The following SLC6A6 variants were observed in gnomAD, a reference collection of about 807,000 sequenced individuals.
SLC6A6 encodes the protein solute carrier family 6 member 6.
Under a neutral mutation model 68.8 loss-of-function variants are expected in SLC6A6, and 16 were observed. That is an observed-to-expected ratio of 0.23 (90% CI 0.16 to 0.35). The LOEUF is 0.35. Ranked by LOEUF, SLC6A6 falls within the 10% of genes least tolerant of loss-of-function variation. SLC6A6 has a pLI of 1.00. For missense variants in SLC6A6, 474 were observed against 802.8 expected, an observed-to-expected ratio of 0.59 and a Z score of 4.95; for synonymous variants, 312 against 315.4, an observed-to-expected ratio of 0.99 and a Z score of 0.12.
chr3:14,482,222 T>C (rs1701025134), intron 14 of SLC6A6, among the ~76,000 whole-genome samples: 1 of 152,172 alleles, frequency 6.6e-6, no homozygotes, highest in African/African-American at 2.4e-5. Context: ...AGTGGGGCCA[T>C]GTTCCTGAAG....
At chr3:14,428,391 TGAG>T (rs144990075) in intron 2 of SLC6A6, among the ~76,000 whole-genome samples, 63 of 152,318 alleles carry the variant, frequency 4.1e-4, no homozygotes, top group African/African-American at 1.4e-3. Context: ...GCCCATGAGT[TGAG>T]GAAGAATGCC....
At chr3:14,451,209 T>C (rs930164731) in intron 5 of SLC6A6, among the ~76,000 whole-genome samples, 8 of 152,374 alleles carry the variant, frequency 5.3e-5, no homozygotes, top group Middle Eastern at 3.4e-3. Context: ...ATTGAGACTA[T>C]TTCAACACAG....
rs1248711768 is a variant in SLC6A6 at position 14,402,755 on chromosome 3, C to T, written c.-146C>T. The T allele has an allele frequency of 2.5e-6, 1 of 398,106 alleles. No individual in the cohort carries two copies. Among genetic ancestry groups the T allele is most frequent in the African/African-American group, 2.1e-5 (1 of 48,728 alleles). The allele number at this position is 398,106 out of a possible 1,614,324, so 24.7% of individuals were successfully genotyped here. On this transcript the variant is annotated 5_prime_UTR_variant, in exon 1 of 15. Coordinates refer to ENST00000622186, the MANE Select transcript of SLC6A6 (RefSeq NM_003043.6). The surrounding 1 kb of genome is among the most constrained non-coding windows in gnomAD (Gnocchi z 4.8). ...CCAAGAGGGAGTGCGGAGCGTTCAC[C>T]CAGCGGGTCAGAGAGCGAGCGGGCA...
chr3:14,409,556 A>G (rs145489132), intron 1 of SLC6A6, among the ~76,000 whole-genome samples: 3 of 152,356 alleles, frequency 2.0e-5, no homozygotes, highest in South Asian at 2.1e-4. Context: ...CACTGACCGC[A>G]CGGCAAACGT....
intron 5 of SLC6A6, among the ~76,000 whole-genome samples, chr3:14,456,896 G>A (rs1700379841): frequency 1.3e-5 from 2 of 152,218 alleles, no homozygotes; most frequent in African/African-American, 4.8e-5. Flanking sequence ...GCAGCCTGTG[G>A]TGGACAGGTA....
chr3:14,475,071 G>A (rs565160710), intron 10 of SLC6A6, among the ~76,000 whole-genome samples: 9 of 152,322 alleles, frequency 5.9e-5, no homozygotes, highest in East Asian at 1.9e-4. Context: ...TTGCTCTGTC[G>A]CCCAGGTTAG....
rs558108734 is a variant in SLC6A6 at position 14,471,819 on chromosome 3, G to A, written c.1097-386G>A. On this transcript the variant is annotated intron_variant, in intron 9 of 14. Coordinates refer to ENST00000622186, the MANE Select transcript of SLC6A6 (RefSeq NM_003043.6). Reference sequence around the variant, plus strand: ...GACTGGGCGGTCAGGTCACCACCACGCTCCCCCGCCTCCTTCCAGCAAAGG... The same window carrying A: ...GACTGGGCGGTCAGGTCACCACCACACTCCCCCGCCTCCTTCCAGCAAAGG... Among the ~76,000 whole-genome samples, 4 of 152,326 alleles carry A rather than the reference G, an allele frequency of 2.6e-5. No individual in the cohort carries two copies. In the South Asian group the frequency reaches 8.3e-4, roughly 32 times the overall value.
Position 14,488,241 on chromosome 3 carries a change from A to C in SLC6A6, c.*3234A>C, listed in dbSNP as rs1377579835. 2.0e-5 allele frequency: 3 copies of C among 152,378 alleles called. No homozygotes were observed. Among genetic ancestry groups the C allele is most frequent in the Non-Finnish European group, 4.4e-5 (3 of 68,078 alleles). 9.4% of individuals were successfully genotyped at this position (152,378 alleles called of 1,614,324 possible). A position where few individuals can be genotyped will look rare whatever the true frequency, so the allele number is the denominator to read the frequency against. On this transcript the variant is annotated 3_prime_UTR_variant, in exon 15 of 15. Coordinates refer to ENST00000622186, the MANE Select transcript of SLC6A6 (RefSeq NM_003043.6). ...TCCAGGCAGCAGGAAGTGGCCTTGG[A>C]TGCTCTCCTTCCAGGACAGCATAAC...
intron 2 of SLC6A6, 115 bp from the exon 3 acceptor site, chr3:14,443,509 G>T: frequency 1.4e-6 from 1 of 704,546 alleles, no homozygotes. Context: ...CAGGCCCCTT[G>T]CCACAGGCCC....
chr3:14,418,891 C>T (rs1699424056), intron 2 of SLC6A6, among the ~76,000 whole-genome samples: 1 of 152,212 alleles, frequency 6.6e-6, no homozygotes, highest in African/African-American at 2.4e-5. Flanking sequence ...ATTGAGCTGA[C>T]TCTAGCCCAC....
At chr3:14,479,231 G>A in intron 13 of SLC6A6, 46 bp downstream of exon 13, 3 of 1,171,814 alleles carry the variant, frequency 2.6e-6, no homozygotes, top group Non-Finnish European at 3.9e-6. Context: ...CTTCTCCCTG[G>A]GGCTTGACAT....
intron 2 of SLC6A6, among the ~76,000 whole-genome samples, chr3:14,424,768 G>A (rs1030904343): frequency 1.3e-5 from 2 of 152,164 alleles, no homozygotes; most frequent in Non-Finnish European, 2.9e-5. Flanking sequence ...TCACAGGCAC[G>A]GCCACAAGTC....
chr3:14,476,620 T>C (rs192401214), intron 10 of SLC6A6, among the ~76,000 whole-genome samples: 1 of 152,318 alleles, frequency 6.6e-6, no homozygotes, highest in East Asian at 1.9e-4. Flanking sequence ...GCCATTCCAC[T>C]GATGGGGAAA....
intron 6 of SLC6A6, among the ~76,000 whole-genome samples, chr3:14,464,466 C>T (rs939516293): frequency 6.6e-6 from 1 of 152,232 alleles, no homozygotes; most frequent in Non-Finnish European, 1.5e-5. Context: ...GCATTTGGAA[C>T]AGTGCTAGGC....
intron 12 of SLC6A6, 62 bp downstream of exon 12, chr3:14,478,630 G>A: frequency 9.8e-7 from 1 of 1,018,982 alleles, no homozygotes; most frequent in Admixed American, 1.8e-5. Flanking sequence ...CTACTTAGAA[G>A]CTTCAGAAGC....
chr3:14,419,555 G>A (rs1699441513), intron 2 of SLC6A6, among the ~76,000 whole-genome samples: 1 of 152,190 alleles, frequency 6.6e-6, no homozygotes, highest in Non-Finnish European at 1.5e-5. Context: ...CTCTGTTCCA[G>A]CCCTGCCGGC....
At chr3:14,427,984 G>A (rs570676723) in intron 2 of SLC6A6, among the ~76,000 whole-genome samples, 3 of 152,320 alleles carry the variant, frequency 2.0e-5, no homozygotes, top group African/African-American at 7.2e-5. Context: ...CCTCCACTCT[G>A]CTTTCTGCCC....
At chr3:14,483,807 G>A (rs1023457575) in intron 14 of SLC6A6, among the ~76,000 whole-genome samples, 5 of 151,982 alleles carry the variant, frequency 3.3e-5, no homozygotes, top group African/African-American at 7.3e-5. Flanking sequence ...TCAGCCTCCC[G>A]AGTAACTTGG....
rs1250900500 is a variant in SLC6A6, at chr3:14,445,860, G to A, written c.364+9G>A. 1.2e-6 allele frequency: 2 copies of A among 1,613,982 alleles called. No homozygotes were observed. Among genetic ancestry groups the A allele is most frequent in the South Asian group, 1.1e-5 (1 of 91,084 alleles). ...CTGCCCCTTGTTCTCTGGTGAGTAT[G>A]GGACGGAGGTCACTTGGGGCCTGGC... On this transcript the variant is annotated intron_variant, in intron 4 of 14. Coordinates refer to ENST00000622186, the MANE Select transcript of SLC6A6 (RefSeq NM_003043.6).
Sources: gnomAD v4.1 joint callset for allele counts (sites outside exome capture counted in the v4.1 genomes callset) on GRCh38, gnomAD v4.1.1 for gene constraint, Gnocchi (gnomAD v3.1) non-coding constraint, MANE v1.5 for transcripts, NCBI Gene and HGNC (gene_info 2026-07-23, HGNC 2026-07-21) for gene names.